The following ULK4 variants were observed in gnomAD, a reference collection of about 807,000 sequenced individuals.
ULK4 encodes inactive serine/threonine-protein kinase ULK4.
A neutral mutation model predicts 160.6 loss-of-function variants in ULK4; 133 were observed. The observed-to-expected ratio is 0.83, with a 90% CI of 0.72 to 0.96. The LOEUF (loss-of-function observed/expected upper bound fraction) is 0.96. ULK4 is among the 40% of genes least tolerant of loss of function. The pLI is 0.00. For synonymous variants in ULK4, 534 were observed against 539.8 expected, an observed-to-expected ratio of 0.99 and a Z score of 0.15; for missense variants, 1,580 against 1,499.5, an observed-to-expected ratio of 1.05 and a Z score of -0.89.
At chr3:41,747,351 T>A (rs1384227809) in intron 22 of ULK4, among the ~76,000 whole-genome samples, 1 of 151,932 alleles carries the variant, frequency 6.6e-6, no homozygotes, top group Non-Finnish European at 1.5e-5. Flanking sequence ...CTTTTTAACA[T>A]GACCTTAGAA....
intron 31 of ULK4, among the ~76,000 whole-genome samples, chr3:41,603,844 T>C (rs1180723881): frequency 6.6e-6 from 1 of 152,296 alleles, no homozygotes; most frequent in East Asian, 1.9e-4. Flanking sequence ...CAGACCAATT[T>C]CATTTACAAA....
At chr3:41,611,701 ATCAGCCTGCC>A (rs1438577090) in intron 31 of ULK4, among the ~76,000 whole-genome samples, 2 of 152,150 alleles carry the variant, frequency 1.3e-5, no homozygotes, top group Non-Finnish European at 2.9e-5. Context: ...CCTGTAGCCA[ATCAGCCTGCC>A]TCCTCATTGC....
intron 34 of ULK4, among the ~76,000 whole-genome samples, chr3:41,420,475 CTTTTTTTTTTT>C (rs1165381982): frequency 7.3e-5 from 3 of 41,178 alleles, no homozygotes; most frequent in Non-Finnish European, 8.2e-5. Context: ...CCAGTTCTTT[CTTTTTTTTTTT>C]TTTTTTTTTT....
At position 41,681,818 on chromosome 3, in the gene ULK4, T is replaced by C. The variant is rs377174029; in HGVS notation, c.2782-14A>G. ...ATAGTCAACAACCTAAAAGAAAGCA[T>C]GTAAAAGACTCAGAATCTCTATGAA... On this transcript the variant is annotated splice_polypyrimidine_tract_variant and intron_variant, in intron 27 of 36. Coordinates refer to ENST00000301831, the MANE Select transcript of ULK4 (RefSeq NM_017886.4). 2.4e-5 allele frequency: 39 copies of C among 1,613,678 alleles called. No individual in the cohort carries two copies. The highest frequency in any genetic ancestry group is 9.9e-5 in the South Asian group (9 of 91,026).
intron 32 of ULK4, among the ~76,000 whole-genome samples, chr3:41,492,987 T>C (rs4555496): frequency 0.015 from 2,153 of 139,906 alleles, 53 homozygotes; most frequent in African/African-American, 0.054. Context: ...TGGGAGACTT[T>C]AACACCCCAC....
chr3:41,431,043 G>A (rs1206118885), intron 34 of ULK4, among the ~76,000 whole-genome samples: 1 of 152,132 alleles, frequency 6.6e-6, no homozygotes. Flanking sequence ...ACACGTTATC[G>A]TACTACTGAG....
intron 33 of ULK4, among the ~76,000 whole-genome samples, chr3:41,461,369 C>G (rs1010606474): frequency 1.3e-5 from 2 of 152,154 alleles, no homozygotes; most frequent in African/African-American, 2.4e-5. Context: ...GTACTTATGG[C>G]TCAGTGTTTC....
chr3:41,272,225 T>C (rs2079149727), intron 35 of ULK4, among the ~76,000 whole-genome samples: 1 of 152,174 alleles, frequency 6.6e-6, no homozygotes, highest in Non-Finnish European at 1.5e-5. Context: ...CCCCAGATTT[T>C]AATTTGGTAT....
intron 31 of ULK4, among the ~76,000 whole-genome samples, chr3:41,582,825 T>G (rs1330621644): frequency 6.6e-6 from 1 of 152,240 alleles, no homozygotes; most frequent in Non-Finnish European, 1.5e-5. Flanking sequence ...GATTCTATTA[T>G]TGTCTACAAA....
intron 26 of ULK4, 37 bp from the exon 27 acceptor site, chr3:41,705,188 C>T (rs1329398230): frequency 6.2e-7 from 1 of 1,608,874 alleles, no homozygotes; most frequent in Non-Finnish European, 8.5e-7. Context: ...TGTTTATTTA[C>T]ATGTTCTAAA....
chr3:41,475,384 T>C (rs1361139458), intron 32 of ULK4, among the ~76,000 whole-genome samples: 1 of 152,166 alleles, frequency 6.6e-6, no homozygotes, highest in African/African-American at 2.4e-5. Context: ...AAATCTCAAT[T>C]AGACAGAAGA....
chr3:41,672,788 T>C (rs1488688651), intron 29 of ULK4, among the ~76,000 whole-genome samples: 2 of 152,156 alleles, frequency 1.3e-5, no homozygotes, highest in African/African-American at 4.8e-5. Context: ...ATTCCATGCA[T>C]GGAACAAAAT....
intron 33 of ULK4, among the ~76,000 whole-genome samples, chr3:41,457,672 T>C (rs1352698190): frequency 1.3e-5 from 2 of 152,160 alleles, no homozygotes; most frequent in African/African-American, 4.8e-5. Context: ...TCAGACTCCC[T>C]CATGTCAGCC....
rs553222735 is a variant in ULK4, at chr3:41,311,008, T to TAATA, written c.3679-61438_3679-61435dup. On this transcript the variant is annotated intron_variant, in intron 35 of 36. Coordinates refer to ENST00000301831, the MANE Select transcript of ULK4 (RefSeq NM_017886.4). ...ACCTCGTCTCAAAAAAAAATAATAA[T>TAATA]AATAAATAAATAAATAAAAGGAAAG... 5.4e-3 allele frequency among the ~76,000 whole-genome samples: 812 copies of TAATA among 149,946 alleles called. 13 individuals carry two copies. Among genetic ancestry groups the TAATA allele is most frequent in the African/African-American group, 0.019 (762 of 40,668 alleles).
chr3:41,519,143 C>T (rs1034533966), intron 32 of ULK4, among the ~76,000 whole-genome samples: 4 of 152,192 alleles, frequency 2.6e-5, no homozygotes, highest in African/African-American at 9.7e-5. Flanking sequence ...ATGTTGGCCT[C>T]TACAAAATTC....
chr3:41,694,290 C>G (rs1329671521), intron 27 of ULK4, among the ~76,000 whole-genome samples: 1 of 152,168 alleles, frequency 6.6e-6, no homozygotes, highest in African/African-American at 2.4e-5. Context: ...ATAGCCGTCC[C>G]TCAGTATCCA....
intron 30 of ULK4, among the ~76,000 whole-genome samples, chr3:41,620,161 C>T (rs2125689307): frequency 6.6e-6 from 1 of 152,262 alleles, no homozygotes; most frequent in Non-Finnish European, 1.5e-5. Context: ...CAGACAAATT[C>T]ACAGCCGAAT....
intron 32 of ULK4, among the ~76,000 whole-genome samples, chr3:41,475,598 T>A (rs1422348544): frequency 6.6e-6 from 1 of 152,076 alleles, no homozygotes; most frequent in Non-Finnish European, 1.5e-5. Context: ...CCCATAAATA[T>A]ACAACTATAA....
Position 41,935,933 on chromosome 3 carries a change from GGAA to G in ULK4, c.243_245del (p.Ser82del). The G allele has an allele frequency of 6.2e-7, 1 of 1,612,962 alleles. No homozygotes were observed. The highest frequency in any genetic ancestry group is 1.1e-5 in the South Asian group (1 of 90,722). ...CATCTTGAGCAATAACTGTTTTTAA[GGAA>G]CCACCTGCAAGAGGTTGATTAAAAT... is the stretch of plus-strand genomic sequence containing the variant. On this transcript the variant is annotated inframe_deletion, in exon 4 of 37. Transcript: ENST00000301831.
Sources: gnomAD v4.1 joint callset for allele counts (sites outside exome capture counted in the v4.1 genomes callset) on GRCh38, gnomAD v4.1.1 for gene constraint, MANE v1.5 for transcripts, NCBI Gene and HGNC (gene_info 2026-07-23, HGNC 2026-07-21) for gene names.